The following CDH4 variants were observed in gnomAD, a reference collection of about 807,000 sequenced individuals.
CDH4 encodes the protein cadherin 4, also known as cadherin-4.
CDH4 carries 33 observed loss-of-function variants against 86.0 expected under a neutral mutation model. That is an observed-to-expected ratio of 0.38 (90% CI 0.29 to 0.51). CDH4 has a LOEUF of 0.51. Ranked by LOEUF, CDH4 falls within the 20% of genes least tolerant of loss-of-function variation. The pLI is 0.86. For missense variants in CDH4, 1,114 were observed against 1,307.4 expected, an observed-to-expected ratio of 0.85 and a Z score of 2.28; for synonymous variants, 555 against 549.4, an observed-to-expected ratio of 1.01 and a Z score of -0.14.
At chr20:61,857,065 T>C (rs1357383353) in intron 6 of CDH4, among the ~76,000 whole-genome samples, 1 of 152,190 alleles carries the variant, frequency 6.6e-6, no homozygotes, top group Non-Finnish European at 1.5e-5. Flanking sequence ...GAGCGTGTCT[T>C]TCCCAAGAGT....
chr20:61,317,663 C>T (rs1019579909), intron 2 of CDH4, among the ~76,000 whole-genome samples: 1 of 152,176 alleles, frequency 6.6e-6, no homozygotes, highest in Non-Finnish European at 1.5e-5. Context: ...AGGCTGGTAG[C>T]ACCCCTCCCC....
chr20:61,318,081 A>G (rs1363674368), intron 2 of CDH4, among the ~76,000 whole-genome samples: 1 of 151,904 alleles, frequency 6.6e-6, no homozygotes, highest in Non-Finnish European at 1.5e-5. Context: ...GGCTGGAGGG[A>G]CACTTTTCAC....
chr20:61,554,231 C>T (rs2086157062), intron 2 of CDH4, among the ~76,000 whole-genome samples: 1 of 152,192 alleles, frequency 6.6e-6, no homozygotes, highest in African/African-American at 2.4e-5. Flanking sequence ...GCCCTGATTT[C>T]CATTTCCTTC....
At chr20:61,579,720 G>A (rs542342971) in intron 2 of CDH4, among the ~76,000 whole-genome samples, 5 of 152,222 alleles carry the variant, frequency 3.3e-5, no homozygotes, top group Admixed American at 2.6e-4. Flanking sequence ...GTAGGCACCC[G>A]ATGAATACTT....
intron 2 of CDH4, among the ~76,000 whole-genome samples, chr20:61,301,689 G>C (rs958972573): frequency 1.3e-5 from 2 of 152,152 alleles, no homozygotes; most frequent in East Asian, 1.9e-4. Context: ...TTACTATTAA[G>C]ACTTTACACA....
In CDH4 at chr20:61,879,373, T is replaced by G. The variant is rs1984184613; in HGVS notation, c.1050+5473T>G. 6.6e-6 allele frequency among the ~76,000 whole-genome samples: 1 copy of G among 152,020 alleles called. No homozygotes were observed. Among genetic ancestry groups the G allele is most frequent in the African/African-American group, 2.4e-5 (1 of 41,370 alleles). ...CATCGGTAGTTCCTTTTTCTCTTCC[T>G]CCCCCTTTAAAAAGATTCATCTCCC... On this transcript the variant is annotated intron_variant, in intron 7 of 15. Coordinates refer to ENST00000614565, the MANE Select transcript of CDH4 (RefSeq NM_001794.5). This position sits in a 1 kb window ranked among gnomAD's most constrained non-coding sequence, Gnocchi z 4.1.
intron 2 of CDH4, among the ~76,000 whole-genome samples, chr20:61,581,943 G>A (rs1485775565): frequency 2.6e-5 from 4 of 152,216 alleles, no homozygotes; most frequent in Non-Finnish European, 5.9e-5. Flanking sequence ...CCTCGGCCCT[G>A]GCTGGCCTGC....
intron 2 of CDH4, among the ~76,000 whole-genome samples, chr20:61,570,959 G>A (rs2086337504): frequency 1.3e-5 from 2 of 152,198 alleles, no homozygotes; most frequent in South Asian, 4.1e-4. Flanking sequence ...CTGCAGGGAG[G>A]CAGTACATTT....
At chr20:61,930,851 C>A (rs993328234) in intron 13 of CDH4, among the ~76,000 whole-genome samples, 6 of 152,240 alleles carry the variant, frequency 3.9e-5, no homozygotes, top group Admixed American at 6.5e-5. Flanking sequence ...GCATTCTCAC[C>A]GATGTCCCCT....
intron 2 of CDH4, among the ~76,000 whole-genome samples, chr20:61,477,003 G>A (rs2085540386): frequency 6.6e-6 from 1 of 152,236 alleles, no homozygotes; most frequent in South Asian, 2.1e-4. Context: ...AGGTGACAAA[G>A]GCAGACAGGG....
chr20:61,538,379 G>A (rs6061624), intron 2 of CDH4, among the ~76,000 whole-genome samples: 1 of 151,810 alleles, frequency 6.6e-6, no homozygotes, highest in African/African-American at 2.4e-5. Context: ...AAGTCAAGAG[G>A]TTTACTCACA....
At chr20:61,698,961 C>T (rs984293850) in intron 2 of CDH4, among the ~76,000 whole-genome samples, 1 of 152,240 alleles carries the variant, frequency 6.6e-6, no homozygotes, top group Non-Finnish European at 1.5e-5. Context: ...GATATCCCCA[C>T]CTTTGGTGGT....
At chr20:61,802,828 C>T (rs761832129) in intron 4 of CDH4, among the ~76,000 whole-genome samples, 12 of 152,216 alleles carry the variant, frequency 7.9e-5, no homozygotes, top group Non-Finnish European at 1.8e-4. Context: ...TGGCCACCGC[C>T]GTCCACAGAG....
At chr20:61,871,941 G>A (rs6121479) in intron 6 of CDH4, among the ~76,000 whole-genome samples, 87,041 of 152,052 alleles carry the variant, frequency 0.57, 25,469 homozygotes, top group Non-Finnish European at 0.62. Flanking sequence ...GACACACCCA[G>A]GGTTCCCCTG....
chr20:61,405,125 T>C (rs2085074124), intron 2 of CDH4, among the ~76,000 whole-genome samples: 1 of 152,146 alleles, frequency 6.6e-6, no homozygotes. Flanking sequence ...CTGATTTTGT[T>C]TCGGGGTCCC....
intron 6 of CDH4, among the ~76,000 whole-genome samples, chr20:61,870,141 A>G (rs2066422): frequency 0.49 from 74,015 of 152,124 alleles, 18,286 homozygotes; most frequent in African/African-American, 0.54. Flanking sequence ...TCCCCCAGCC[A>G]GTAGGGCTGA....
At chr20:61,746,016 C>A (rs1444726266) in intron 3 of CDH4, among the ~76,000 whole-genome samples, 2 of 152,170 alleles carry the variant, frequency 1.3e-5, no homozygotes, top group African/African-American at 4.8e-5. Flanking sequence ...CAGGAAGCAC[C>A]CAACCAGCGG....
chr20:61,286,825 G>C (rs2084295800), intron 2 of CDH4, among the ~76,000 whole-genome samples: 1 of 152,130 alleles, frequency 6.6e-6, no homozygotes. Context: ...CTGGGACTTT[G>C]TTTGTTTGTT....
intron 4 of CDH4, among the ~76,000 whole-genome samples, chr20:61,817,473 A>G (rs1484777245): frequency 1.3e-5 from 2 of 151,950 alleles, no homozygotes; most frequent in Non-Finnish European, 2.9e-5. Flanking sequence ...AGGCCCACAC[A>G]AGACGCGGAA....
Sources: allele counts gnomAD v4.1 joint callset (sites outside exome capture counted in the v4.1 genomes callset), GRCh38; gene constraint gnomAD v4.1.1; non-coding constraint Gnocchi (gnomAD v3.1); transcripts MANE v1.5; gene names NCBI Gene and HGNC (gene_info 2026-07-23, HGNC 2026-07-21).